APP: variants seen among roughly 807,000 people sequenced by gnomAD.
APP encodes the protein amyloid-beta precursor protein.
In APP, 31 loss-of-function variants were observed where a neutral mutation model predicts 101.4. The observed-to-expected ratio is 0.31, with a 90% CI of 0.23 to 0.41. The LOEUF (loss-of-function observed/expected upper bound fraction) is 0.41, where lower values mean the gene tolerates loss of function less well. APP is among the 10% of genes least tolerant of loss of function. The pLI is 1.00. For missense variants in APP, 839 were observed against 1,003.7 expected (o/e 0.84, Z 2.22); for synonymous variants, 366 against 364.4 (o/e 1.00, Z -0.05).
chr21:26,007,827 G>A (rs1290625052), intron 6 of APP, among the ~76,000 whole-genome samples: 1 of 152,052 alleles, frequency 6.6e-6, no homozygotes, highest in East Asian at 1.9e-4. Context: ...TGTACGTAGT[G>A]GCAAGCAGTC....
intron 15 of APP, chr21:25,897,912 A>C (rs2038186761): frequency 1.9e-6 from 1 of 536,650 alleles, no homozygotes; most frequent in Middle Eastern, 5.0e-4. Flanking sequence ...TGCTGCCTTT[A>C]AATACATGCT....
intron 3 of APP, among the ~76,000 whole-genome samples, chr21:26,056,440 T>C (rs1328923423): frequency 3.9e-5 from 6 of 152,202 alleles, no homozygotes; most frequent in Non-Finnish European, 1.5e-5. Context: ...GCTAAGGATG[T>C]TACTCTTACT....
intron 5 of APP, among the ~76,000 whole-genome samples, chr21:26,041,202 T>C (rs2045359337): frequency 6.6e-6 from 1 of 152,232 alleles, no homozygotes; most frequent in African/African-American, 2.4e-5. Context: ...CAACAGTTTT[T>C]GGCTTGATAT....
chr21:25,982,806 A>G (rs2042486025), intron 8 of APP, among the ~76,000 whole-genome samples: 1 of 152,212 alleles, frequency 6.6e-6, no homozygotes, highest in Non-Finnish European at 1.5e-5. Context: ...CCAAATCCCC[A>G]TGCTTTCCTA....
At chr21:26,066,315 T>C (rs1025781457) in intron 3 of APP, among the ~76,000 whole-genome samples, 56 of 152,204 alleles carry the variant, frequency 3.7e-4, no homozygotes, top group African/African-American at 1.3e-3. Context: ...AGTTATTGCT[T>C]TGTAAGACAC....
chr21:26,166,930 GTGT>G (rs2063630180), intron 1 of APP, among the ~76,000 whole-genome samples: 1 of 53,994 alleles, frequency 1.9e-5, no homozygotes, highest in African/African-American at 1.6e-4. Context: ...GACAGAGGGT[GTGT>G]GTGTGTGTGT....
At chr21:26,084,227 A>ATTTTTTTT (rs869179482) in intron 3 of APP, among the ~76,000 whole-genome samples, 1 of 83,062 alleles carries the variant, frequency 1.2e-5, no homozygotes. Context: ...GAAGGGCTCC[A>ATTTTTTTT]TTTTTTTTTT....
At chr21:26,093,038 T>C (rs2830051) in intron 2 of APP, among the ~76,000 whole-genome samples, 52,524 of 151,942 alleles carry the variant, frequency 0.35, 11,308 homozygotes, top group African/African-American at 0.58. Flanking sequence ...AAAGGGATCC[T>C]GCTATTAATA....
chr21:26,021,354 T>C (rs2044329629), intron 6 of APP, among the ~76,000 whole-genome samples: 1 of 152,076 alleles, frequency 6.6e-6, no homozygotes, highest in African/African-American at 2.4e-5. Context: ...GGCCCAAATC[T>C]CCTTCTTTAA....
Position 26,002,679 on chromosome 21 carries a change from A to T in APP, c.866-2497T>A, listed in dbSNP as rs537854654. The stretch of plus-strand genomic sequence containing the variant: ...GCACCGTGGTCATTGCTACCAAGGG[A>T]GGCACAGAATCCCTTCACCCCATAG... On this transcript the variant is annotated intron_variant, in intron 6 of 17. Coordinates refer to ENST00000346798, the MANE Select transcript of APP (RefSeq NM_000484.4). 8.5e-5 allele frequency among the ~76,000 whole-genome samples: 13 copies of T among 152,300 alleles called. 2 individuals carry two copies. In the South Asian group the frequency reaches 2.7e-3, roughly 32 times the overall value.
intron 11 of APP, among the ~76,000 whole-genome samples, chr21:25,962,690 G>A (rs906163248): frequency 2.7e-4 from 41 of 152,178 alleles, no homozygotes; most frequent in Admixed American, 2.0e-4. Flanking sequence ...GCACAAACTC[G>A]TCTCAAAGAG....
intron 13 of APP, among the ~76,000 whole-genome samples, chr21:25,923,269 T>C (rs1259887002): frequency 3.0e-5 from 4 of 135,156 alleles, no homozygotes; most frequent in African/African-American, 6.1e-5. Context: ...CCTAAAACCA[T>C]AAAAACCCTA....
At chr21:26,023,835 T>C (rs1348142742) in intron 5 of APP, among the ~76,000 whole-genome samples, 1 of 152,200 alleles carries the variant, frequency 6.6e-6, no homozygotes, top group African/African-American at 2.4e-5. Flanking sequence ...ATACTGATGC[T>C]GGTGGTCAGG....
At chr21:26,084,401 C>G (rs1195236949) in intron 3 of APP, among the ~76,000 whole-genome samples, 1 of 151,828 alleles carries the variant, frequency 6.6e-6, no homozygotes, top group Non-Finnish European at 1.5e-5. Flanking sequence ...CCACGCCTGG[C>G]TAATTTTTTT....
intron 13 of APP, among the ~76,000 whole-genome samples, chr21:25,947,486 C>A (rs983869077): frequency 9.2e-5 from 14 of 152,154 alleles, no homozygotes; most frequent in African/African-American, 3.4e-4. Flanking sequence ...AATAGTATAC[C>A]GTACTTTGCC....
chr21:26,029,652 C>T (rs957946449), intron 5 of APP, among the ~76,000 whole-genome samples: 1 of 152,148 alleles, frequency 6.6e-6, no homozygotes, highest in Non-Finnish European at 1.5e-5. Context: ...AATTGGCTGA[C>T]AAGAACAGAA....
intron 1 of APP, among the ~76,000 whole-genome samples, chr21:26,122,697 A>G (rs1018253157): frequency 2.0e-5 from 3 of 150,448 alleles, no homozygotes; most frequent in Non-Finnish European, 4.5e-5. Flanking sequence ...TTCAAGTAAC[A>G]CGTATGAAGA....
intron 1 of APP, among the ~76,000 whole-genome samples, chr21:26,121,534 C>G (rs543965004): frequency 6.6e-6 from 1 of 151,986 alleles, no homozygotes; most frequent in Non-Finnish European, 1.5e-5. Flanking sequence ...ATTACAGGCG[C>G]GCGTCACCAC....
At chr21:26,152,155 G>T (rs2146344970) in intron 1 of APP, among the ~76,000 whole-genome samples, 1 of 151,682 alleles carries the variant, frequency 6.6e-6, no homozygotes, top group African/African-American at 2.4e-5. Context: ...CGTGGTGGCG[G>T]GCGCCCGTAG....
Sources: allele counts gnomAD v4.1 joint callset (sites outside exome capture counted in the v4.1 genomes callset), GRCh38; gene constraint gnomAD v4.1.1; transcripts MANE v1.5; gene names NCBI Gene and HGNC (gene_info 2026-07-23, HGNC 2026-07-21).